PXN: variants seen among roughly 807,000 people sequenced by gnomAD.
PXN encodes the protein paxillin, also known as testicular tissue protein Li 134.
A neutral mutation model predicts 103.6 loss-of-function variants in PXN; 61 were observed. The ratio of observed to expected loss-of-function variants is 0.59; its 90% CI spans 0.48 to 0.73. The LOEUF is 0.73. Ranked by LOEUF, PXN falls within the 30% of genes least tolerant of loss-of-function variation. The pLI is 0.00. For missense variants in PXN, 1,274 were observed against 1,460.3 expected (o/e 0.87, Z 2.08); for synonymous variants, 562 against 607.8 (o/e 0.92, Z 1.11).
At chr12:120,227,389 TACTC>T (rs1333799894) in intron 1 of PXN, among the ~76,000 whole-genome samples, 1 of 152,184 alleles carries the variant, frequency 6.6e-6, no homozygotes, top group African/African-American at 2.4e-5. Context: ...TAGTCCCAAT[TACTC>T]AGGAGGCTGA....
In PXN at chr12:120,239,514, G is replaced by A. The variant is rs186813607; in HGVS notation, c.14-15137C>T. Reference sequence around the variant, plus strand: ...GGAGAATCGCTTGAACCCAGGAGGCGGAGGTTGCAGTGAGCCAGTATCGTG... The same window carrying A: ...GGAGAATCGCTTGAACCCAGGAGGCAGAGGTTGCAGTGAGCCAGTATCGTG... On this transcript the variant is annotated intron_variant, in intron 1 of 14. Coordinates refer to ENST00000637617, the MANE Select transcript of PXN (RefSeq NM_001385981.1). Among the ~76,000 whole-genome samples the A allele has an allele frequency of 1.5e-3, 234 of 152,176 alleles. 1 individual carries two copies. Among genetic ancestry groups the A allele is most frequent in the African/African-American group, 5.3e-3 (222 of 41,512 alleles).
rs34236994 is a variant in PXN at position 120,216,281 on chromosome 12, G to T, written c.2293C>A (p.Pro765Thr). The change falls in exon 9 of 15, where the codon CCG (proline) becomes ACG (threonine). Residue 765 changes from proline to threonine, a missense_variant. Around this residue, in one of 2 missense-constraint regions of PXN, gnomAD observed 1,178 missense variants for 1,309.0 expected, o/e 0.90. Coordinates refer to ENST00000637617, the MANE Select transcript of PXN (RefSeq NM_001385981.1). The surrounding 1 kb of genome is among the most constrained non-coding windows in gnomAD (Gnocchi z 5.1). ...GCTCCTTTAAGGCCTGCCTGCATCG[G>T]GGGGAAGAGCGGGTCCTCATCAGTC... is the stretch of plus-strand genomic sequence containing the variant. Reference protein sequence around the residue: ...CQTDEDPLFPPMQIQGLEQRA... With the variant: ...CQTDEDPLFPTMQIQGLEQRA... The T allele has an allele frequency of 3.9e-6, 5 of 1,276,474 alleles. No homozygotes were observed. The highest frequency in any genetic ancestry group is 1.6e-5 in the African/African-American group (1 of 64,514). 79.1% of individuals were successfully genotyped at this position (1,276,474 alleles called of 1,614,324 possible).
rs1195446056 is a variant in PXN, at chr12:120,228,506, T to C, written c.14-4129A>G. The stretch of plus-strand genomic sequence containing the variant: ...TGAGGAAGGGGTGCAGACTGTCTGC[T>C]GCTCCCCACCAGAGGGCACCATTGG... On this transcript the variant is annotated intron_variant, in intron 1 of 14. Transcript: ENST00000637617. This position sits in a 1 kb window ranked among gnomAD's most constrained non-coding sequence, Gnocchi z 4.7. 6.6e-6 allele frequency among the ~76,000 whole-genome samples: 1 copy of C among 152,218 alleles called. No homozygotes were observed. Among genetic ancestry groups the C allele is most frequent in the Admixed American group, 6.5e-5 (1 of 15,288 alleles).
intron 1 of PXN, among the ~76,000 whole-genome samples, chr12:120,239,498 C>T (rs544289971): frequency 6.6e-6 from 1 of 152,228 alleles, no homozygotes; most frequent in Non-Finnish European, 1.5e-5. Context: ...AGGAGAATCG[C>T]TTGAACCCAG....
intron 1 of PXN, among the ~76,000 whole-genome samples, chr12:120,237,737 G>A (rs1482890170): frequency 6.6e-6 from 1 of 152,042 alleles, no homozygotes; most frequent in Non-Finnish European, 1.5e-5. Context: ...CACAAATTTT[G>A]GAAGCCATCT....
chr12:120,231,408 C>G (rs998126091), intron 1 of PXN, among the ~76,000 whole-genome samples: 4 of 152,214 alleles, frequency 2.6e-5, no homozygotes, highest in Non-Finnish European at 5.9e-5. Context: ...CTGGAGGTTA[C>G]AAAGACTCAG....
At chr12:120,262,877 G>A (rs1389762400) in intron 1 of PXN, among the ~76,000 whole-genome samples, 1 of 152,162 alleles carries the variant, frequency 6.6e-6, no homozygotes, top group Non-Finnish European at 1.5e-5. Flanking sequence ...AAAGTGGAGA[G>A]AACACACAGG....
intron 1 of PXN, among the ~76,000 whole-genome samples, chr12:120,251,963 T>C (rs1892267826): frequency 6.6e-6 from 1 of 152,078 alleles, no homozygotes; most frequent in Admixed American, 6.6e-5. Flanking sequence ...TTCGGGAAAG[T>C]ATGTCAGGAA....
chr12:120,249,919 G>A (rs1255849228), intron 1 of PXN: 1 of 985,290 alleles, frequency 1.0e-6, no homozygotes, highest in African/African-American at 1.7e-5. Flanking sequence ...GCTAAGCAGG[G>A]GTGAAGAAAC....
chr12:120,214,185 G>A lies in PXN; in HGVS notation c.2781C>T (p.His927=). ...ACTGTGCACAGAAGAAGTGTTCAGG[G>A]TGCCACGTCCGGTCAAGGGCTGTCA... is the stretch of plus-strand genomic sequence containing the variant. ...KVVTALDRTW[H]PEHFFCAQCG... is the part of the protein sequence containing the mutation. The change falls in exon 13 of 15, where the codon CAC becomes CAT. Residue 927 remains histidine, a synonymous_variant. Coordinates refer to ENST00000637617, the MANE Select transcript of PXN (RefSeq NM_001385981.1). The surrounding 1 kb of genome is among the most constrained non-coding windows in gnomAD (Gnocchi z 5.0). The A allele has an allele frequency of 6.4e-7, 1 of 1,552,130 alleles. No individual in the cohort carries two copies. The highest frequency in any genetic ancestry group is 8.7e-7 in the Non-Finnish European group (1 of 1,147,316).
At chr12:120,226,592 CT>C (rs1190828757) in intron 1 of PXN, 29 of 1,192,378 alleles carry the variant, frequency 2.4e-5, no homozygotes, top group African/African-American at 3.2e-5. Context: ...TAAGCCTGGG[CT>C]TTTGGTTTAT....
chr12:120,257,802 C>T (rs1449775118), intron 1 of PXN, among the ~76,000 whole-genome samples: 1 of 152,194 alleles, frequency 6.6e-6, no homozygotes, highest in Non-Finnish European at 1.5e-5. Flanking sequence ...TGGTGTTCCA[C>T]TGGCCACAGA....
At chr12:120,260,434 T>C (rs1394149749) in intron 1 of PXN, among the ~76,000 whole-genome samples, 1 of 135,036 alleles carries the variant, frequency 7.4e-6, no homozygotes, top group Admixed American at 7.7e-5. Context: ...ACCTGGGAGG[T>C]GGAGGTTGTG....
intron 1 of PXN, among the ~76,000 whole-genome samples, chr12:120,260,942 T>C (rs1202579139): frequency 6.6e-6 from 1 of 152,194 alleles, no homozygotes; most frequent in Non-Finnish European, 1.5e-5. Context: ...TACAAAACAG[T>C]TGGCTGCAAG....
At chr12:120,236,462 C>G (rs1422283870) in intron 1 of PXN, among the ~76,000 whole-genome samples, 1 of 151,526 alleles carries the variant, frequency 6.6e-6, no homozygotes, top group Admixed American at 6.6e-5. Flanking sequence ...TGTGTGCCAC[C>G]ATGCCCAGAT....
At chr12:120,218,385 T>C (rs1232529859) in intron 7 of PXN, among the ~76,000 whole-genome samples, 1 of 152,094 alleles carries the variant, frequency 6.6e-6, no homozygotes, top group African/African-American at 2.4e-5. Flanking sequence ...TTTGTTTTTG[T>C]TTTTTGAGAC....
At position 120,214,757 on chromosome 12, in the gene PXN, C is replaced by A; in HGVS notation, c.2748+68G>T. 6.3e-7 allele frequency: 1 copy of A among 1,582,068 alleles called. No homozygotes were observed. The highest frequency in any genetic ancestry group is 8.6e-7 in the Non-Finnish European group (1 of 1,158,330). The stretch of plus-strand genomic sequence containing the variant: ...TCTGAGCCTCCCACGGCACCCCCTG[C>A]ATCCTCAGAGGGCTGCGGTGAAGCT... On this transcript the variant is annotated intron_variant, in intron 12 of 14. Coordinates refer to ENST00000637617, the MANE Select transcript of PXN (RefSeq NM_001385981.1). The surrounding 1 kb of genome is among the most constrained non-coding windows in gnomAD (Gnocchi z 5.0).
At chr12:120,236,784 C>T (rs1011340608) in intron 1 of PXN, among the ~76,000 whole-genome samples, 6 of 151,596 alleles carry the variant, frequency 4.0e-5, no homozygotes, top group African/African-American at 9.7e-5. Context: ...CCCAGCTGAT[C>T]TTTTAATTTT....
intron 1 of PXN, among the ~76,000 whole-genome samples, chr12:120,264,902 GGTCA>G (rs1294475269): frequency 6.6e-6 from 1 of 152,138 alleles, no homozygotes; most frequent in African/African-American, 2.4e-5. Flanking sequence ...AGAGCGGGGA[GGTCA>G]GTGAGAGAAA....
Sources: allele counts gnomAD v4.1 joint callset (sites outside exome capture counted in the v4.1 genomes callset), GRCh38; gene constraint gnomAD v4.1.1; regional missense constraint gnomAD v4.1.1; non-coding constraint Gnocchi (gnomAD v3.1); transcripts MANE v1.5; gene names NCBI Gene and HGNC (gene_info 2026-07-23, HGNC 2026-07-21).